The following VMP1 variants were observed in gnomAD, a reference collection of about 807,000 sequenced individuals.
The protein encoded by VMP1 is ectopic P-granules autophagy protein 3 homolog.
VMP1 carries 11 observed loss-of-function variants against 56.0 expected under a neutral mutation model. That is an observed-to-expected ratio of 0.20 (90% confidence interval 0.12 to 0.32). VMP1 has a LOEUF of 0.32. VMP1 is among the 10% of genes least tolerant of loss of function. The probability of loss-of-function intolerance (pLI) is 1.00; values close to 1 mark genes in which losing one functional copy is unlikely to be tolerated. For synonymous variants in VMP1, 149 were observed against 165.0 expected, an observed-to-expected ratio of 0.90 and a Z score of 0.74; for missense variants, 296 against 490.3, an observed-to-expected ratio of 0.60 and a Z score of 3.74.
At chr17:59,799,689 G>A (rs1303530318) in intron 7 of VMP1, among the ~76,000 whole-genome samples, 2 of 152,112 alleles carry the variant, frequency 1.3e-5, no homozygotes, top group Non-Finnish European at 2.9e-5. Flanking sequence ...TTGGCCGGGC[G>A]CAGTGGCTCA....
chr17:59,807,507 A>C (rs73315284), intron 7 of VMP1, among the ~76,000 whole-genome samples: 1 of 151,440 alleles, frequency 6.6e-6, no homozygotes, highest in South Asian at 2.1e-4. Flanking sequence ...GGATCTGTCC[A>C]CCTTCTATAT....
intron 5 of VMP1, among the ~76,000 whole-genome samples, chr17:59,751,462 C>A (rs1222627342): frequency 6.6e-6 from 1 of 152,004 alleles, no homozygotes; most frequent in Non-Finnish European, 1.5e-5. Flanking sequence ...ATGGTCTAGA[C>A]CGGGCTCGGT....
Position 59,792,973 on chromosome 17 carries a change from C to T in VMP1, c.715-15823C>T, listed in dbSNP as rs533978662. ...GCTGAGGTGGAAGGATCACTTGGAG[C>T]CCAGGAGTTCAAGACCAGTCTGGGC... is the stretch of plus-strand genomic sequence containing the variant. On this transcript the variant is annotated intron_variant, in intron 7 of 11. Coordinates refer to ENST00000262291, the MANE Select transcript of VMP1 (RefSeq NM_030938.5). Among the ~76,000 whole-genome samples the T allele has an allele frequency of 2.8e-5, 3 of 106,258 alleles. 1 individual carries two copies. In the South Asian group the frequency reaches 1.0e-3, roughly 36 times the overall value. The allele number at this position is 106,258 out of a possible 152,430, so 69.7% of individuals were successfully genotyped here. A position where few individuals can be genotyped will look rare whatever the true frequency, so the allele number is the denominator to read the frequency against.
chr17:59,732,460 C>T (rs1408244299), intron 2 of VMP1, among the ~76,000 whole-genome samples: 40 of 152,172 alleles, frequency 2.6e-4, no homozygotes, highest in Non-Finnish European at 4.4e-5. Flanking sequence ...CCAGGGTGGT[C>T]TTGAACTCCT....
chr17:59,710,153 C>T (rs1598270559), intron 1 of VMP1, among the ~76,000 whole-genome samples: 1 of 151,936 alleles, frequency 6.6e-6, no homozygotes, highest in African/African-American at 2.4e-5. Context: ...GCCGAGATTG[C>T]GCCACTGCAC....
At chr17:59,816,014 G>A (rs773990526) in intron 9 of VMP1, among the ~76,000 whole-genome samples, 10 of 151,972 alleles carry the variant, frequency 6.6e-5, no homozygotes, top group Non-Finnish European at 1.3e-4. Flanking sequence ...ATGTGGTTAA[G>A]AGGGCTCTTC....
intron 9 of VMP1, among the ~76,000 whole-genome samples, chr17:59,816,391 C>T (rs1282208147): frequency 6.6e-6 from 1 of 152,206 alleles, no homozygotes; most frequent in Non-Finnish European, 1.5e-5. Context: ...AATAGCCTTG[C>T]TAGCTTCATA....
At chr17:59,782,924 C>T (rs1231377166) in intron 7 of VMP1, among the ~76,000 whole-genome samples, 1 of 152,116 alleles carries the variant, frequency 6.6e-6, no homozygotes, top group Non-Finnish European at 1.5e-5. Context: ...TTGTTGTGGC[C>T]GGGCGCGATG....
At chr17:59,801,863 A>G (rs374790848) in intron 7 of VMP1, among the ~76,000 whole-genome samples, 6 of 152,032 alleles carry the variant, frequency 3.9e-5, no homozygotes, top group Non-Finnish European at 7.4e-5. Context: ...AGCCTGGGTA[A>G]CAGGAGCTAA....
In VMP1 at chr17:59,841,255, C is replaced by T. The variant is rs756424073; in HGVS notation, c.*1344C>T. Reference sequence around the variant, plus strand: ...GCCTACCATCGTGACATCTCCATGGCTGTACCACCTTGTCGGGTAGCTTAT... The same window carrying T: ...GCCTACCATCGTGACATCTCCATGGTTGTACCACCTTGTCGGGTAGCTTAT... On this transcript the variant is annotated 3_prime_UTR_variant, in exon 12 of 12. Coordinates refer to ENST00000262291, the MANE Select transcript of VMP1 (RefSeq NM_030938.5). 2.0e-6 allele frequency: 1 copy of T among 500,688 alleles called. No homozygotes were observed. Among genetic ancestry groups the T allele is most frequent in the Non-Finnish European group, 4.3e-6 (1 of 233,308 alleles). The allele number at this position is 500,688 out of a possible 1,614,324, so 31.0% of individuals were successfully genotyped here. A position where few individuals can be genotyped will look rare whatever the true frequency, so the allele number is the denominator to read the frequency against.
intron 9 of VMP1, among the ~76,000 whole-genome samples, chr17:59,814,874 T>C (rs1481456564): frequency 2.6e-5 from 4 of 152,240 alleles, no homozygotes; most frequent in Non-Finnish European, 5.9e-5. Context: ...TGTAAAGGCA[T>C]GTCACTTGAT....
intron 1 of VMP1, among the ~76,000 whole-genome samples, chr17:59,724,236 G>T (rs8081108): frequency 0.41 from 60,986 of 147,672 alleles, 14,261 homozygotes; most frequent in Non-Finnish European, 0.53. Flanking sequence ...AGAAAGAAAA[G>T]AAAAAGAAAA....
chr17:59,743,578 C>G (rs140190860), intron 5 of VMP1, among the ~76,000 whole-genome samples: 2 of 148,620 alleles, frequency 1.3e-5, no homozygotes, highest in African/African-American at 2.4e-5. Context: ...CTCTCTCTCT[C>G]TCTATATATA....
intron 4 of VMP1, among the ~76,000 whole-genome samples, chr17:59,737,766 T>G (rs916194470): frequency 2.0e-5 from 3 of 151,984 alleles, no homozygotes; most frequent in Non-Finnish European, 2.9e-5. Context: ...TCCTTTTACC[T>G]TCAAAGATTT....
At chr17:59,839,607 G>A (rs566773573) in intron 11 of VMP1, 161 bp from the exon 12 acceptor site, 2 of 799,774 alleles carry the variant, frequency 2.5e-6, no homozygotes. Context: ...GTGTAAAAAG[G>A]AGAGTAATGG....
chr17:59,744,744 A>G (rs1598327015), intron 5 of VMP1, among the ~76,000 whole-genome samples: 1 of 152,008 alleles, frequency 6.6e-6, no homozygotes, highest in African/African-American at 2.4e-5. Flanking sequence ...GTTAAATATA[A>G]AAGAAATATA....
intron 5 of VMP1, among the ~76,000 whole-genome samples, chr17:59,759,923 TGGTATTGAATTTATTTGC>T (rs2035986109): frequency 7.3e-6 from 1 of 137,524 alleles, no homozygotes; most frequent in Non-Finnish European, 1.5e-5. Context: ...TTTTTTTTTT[TGGTATTGAATTTATTTGC>T]TTGTTTGTTC....
intron 9 of VMP1, among the ~76,000 whole-genome samples, chr17:59,812,262 C>G (rs1402157899): frequency 6.6e-6 from 1 of 152,068 alleles, no homozygotes; most frequent in Non-Finnish European, 1.5e-5. Context: ...TCCCATGTTA[C>G]CAATATCCTT....
At chr17:59,742,374 G>A (rs2035257210) in intron 5 of VMP1, among the ~76,000 whole-genome samples, 1 of 151,862 alleles carries the variant, frequency 6.6e-6, no homozygotes, top group South Asian at 2.1e-4. Flanking sequence ...TAAATTAGCT[G>A]GGTGTGGTGG....
Sources: allele counts gnomAD v4.1 joint callset (sites outside exome capture counted in the v4.1 genomes callset), GRCh38; gene constraint gnomAD v4.1.1; transcripts MANE v1.5; gene names NCBI Gene and HGNC (gene_info 2026-07-23, HGNC 2026-07-21).